The following L3MBTL4 variants were observed in gnomAD, a reference collection of about 807,000 sequenced individuals.
L3MBTL4 encodes the protein L3MBTL histone methyl-lysine binding protein 4, also known as lethal(3)malignant brain tumor-like protein 4.
L3MBTL4 carries 70 observed loss-of-function variants against 84.5 expected under a neutral mutation model. That is an observed-to-expected ratio of 0.83 (90% CI 0.68 to 1.01). The LOEUF is 1.01. Ranked by LOEUF, L3MBTL4 falls within the 50% of genes least tolerant of loss-of-function variation. The pLI is 0.00. For synonymous variants in L3MBTL4, 274 were observed against 259.8 expected (o/e 1.05, Z -0.52); for missense variants, 715 against 754.8 (o/e 0.95, Z 0.62).
At chr18:5,966,703 G>A (rs547878489) in intron 17 of L3MBTL4, among the ~76,000 whole-genome samples, 14 of 152,188 alleles carry the variant, frequency 9.2e-5, no homozygotes, top group African/African-American at 3.1e-4. Context: ...CAGTCATCAC[G>A]TTATCCTCCT....
intron 16 of L3MBTL4, among the ~76,000 whole-genome samples, chr18:5,983,612 C>G (rs571298): frequency 6.6e-6 from 1 of 151,880 alleles, no homozygotes; most frequent in Non-Finnish European, 1.5e-5. Context: ...TTGGTTATCA[C>G]GGGTAATATT....
intron 1 of L3MBTL4, among the ~76,000 whole-genome samples, chr18:6,323,520 T>C (rs1346182642): frequency 6.6e-6 from 1 of 152,232 alleles, no homozygotes; most frequent in East Asian, 1.9e-4. Context: ...TGTTAAGCAC[T>C]AGCGAAGAGC....
intron 12 of L3MBTL4, among the ~76,000 whole-genome samples, chr18:6,202,836 G>A (rs1349535255): frequency 1.4e-4 from 21 of 152,176 alleles, no homozygotes. Flanking sequence ...TACAAAAGAT[G>A]TCAAAAGTAC....
chr18:6,235,171 G>A (rs529727565), intron 10 of L3MBTL4, among the ~76,000 whole-genome samples: 4 of 152,096 alleles, frequency 2.6e-5, no homozygotes, highest in Non-Finnish European at 5.9e-5. Context: ...CCTGTTGTGG[G>A]GTTGGGAGCA....
intron 10 of L3MBTL4, among the ~76,000 whole-genome samples, chr18:6,219,456 T>A (rs2046459269): frequency 6.9e-6 from 1 of 144,170 alleles, no homozygotes; most frequent in Non-Finnish European, 1.5e-5. Flanking sequence ...CATGCTTTGG[T>A]TCAGCCACCC....
intron 16 of L3MBTL4, among the ~76,000 whole-genome samples, chr18:6,012,899 G>A (rs928751626): frequency 2.0e-5 from 3 of 152,008 alleles, no homozygotes; most frequent in Admixed American, 1.3e-4. Flanking sequence ...CTTGTCTCTC[G>A]TTCCATCTCT....
At chr18:6,243,209 T>C (rs1274915043) in intron 7 of L3MBTL4, 85 bp downstream of exon 7, 3 of 1,245,208 alleles carry the variant, frequency 2.4e-6, no homozygotes, top group Admixed American at 5.7e-5. Flanking sequence ...CAGGATCTCT[T>C]CTTCGAATTT....
chr18:6,090,625 T>C (rs547361454), intron 15 of L3MBTL4, among the ~76,000 whole-genome samples: 33 of 123,452 alleles, frequency 2.7e-4, no homozygotes, highest in Non-Finnish European at 3.7e-4. Context: ...CACACACACA[T>C]ATATTTCTTT....
chr18:6,099,585 A>ATATATATATATATATATATATAT (rs2058743796), intron 14 of L3MBTL4, among the ~76,000 whole-genome samples: 2 of 64,700 alleles, frequency 3.1e-5, no homozygotes, highest in African/African-American at 7.0e-5. Flanking sequence ...AGATAATGTA[A>ATATATATATATATATATATATAT]ATATATATAT....
intron 4 of L3MBTL4, among the ~76,000 whole-genome samples, chr18:6,277,237 T>C (rs1286018748): frequency 6.6e-6 from 1 of 152,008 alleles, no homozygotes; most frequent in African/African-American, 2.4e-5. Flanking sequence ...TGTATACATA[T>C]GTAACTAACC....
At chr18:6,312,849 T>C (rs1469704930) in intron 1 of L3MBTL4, among the ~76,000 whole-genome samples, 2 of 152,144 alleles carry the variant, frequency 1.3e-5, no homozygotes, top group Middle Eastern at 3.2e-3. Flanking sequence ...AATCCAAAAG[T>C]CTTAAAGTTC....
intron 16 of L3MBTL4, among the ~76,000 whole-genome samples, chr18:6,065,295 G>A (rs753878985): frequency 6.6e-6 from 1 of 151,856 alleles, no homozygotes; most frequent in Non-Finnish European, 1.5e-5. Flanking sequence ...TGTTCATCAA[G>A]GATATTGTAG....
At chr18:6,170,118 A>T (rs1469916433) in intron 13 of L3MBTL4, among the ~76,000 whole-genome samples, 1 of 152,170 alleles carries the variant, frequency 6.6e-6, no homozygotes, top group Admixed American at 6.6e-5. Context: ...GAGGAAACTG[A>T]GGCATAGAGA....
intron 2 of L3MBTL4, 63 bp from the exon 3 acceptor site, chr18:6,311,719 G>A: frequency 1.1e-6 from 1 of 909,428 alleles, no homozygotes; most frequent in South Asian, 1.4e-5. Context: ...AATTACAGAA[G>A]CAAACAAGAA....
chr18:6,374,779 T>G (rs544745126), intron 1 of L3MBTL4, among the ~76,000 whole-genome samples: 1 of 152,092 alleles, frequency 6.6e-6, no homozygotes, highest in South Asian at 2.1e-4. Flanking sequence ...CATCCCACAC[T>G]CGCCACCACC....
intron 4 of L3MBTL4, among the ~76,000 whole-genome samples, chr18:6,268,844 G>T (rs1283673072): frequency 1.3e-5 from 2 of 152,136 alleles, no homozygotes; most frequent in Non-Finnish European, 2.9e-5. Context: ...GTGTGTGTGT[G>T]AGCACATATG....
intron 14 of L3MBTL4, among the ~76,000 whole-genome samples, chr18:6,131,825 T>C (rs996609749): frequency 1.3e-5 from 2 of 152,184 alleles, no homozygotes; most frequent in East Asian, 1.9e-4. Context: ...TTTAATCTTT[T>C]AGAGCTATAT....
At chr18:6,225,880 G>T (rs774327750) in intron 10 of L3MBTL4, among the ~76,000 whole-genome samples, 3 of 151,468 alleles carry the variant, frequency 2.0e-5, no homozygotes, top group Admixed American at 1.3e-4. Context: ...TATATACCCA[G>T]CAAAAATGTC....
intron 16 of L3MBTL4, among the ~76,000 whole-genome samples, chr18:5,997,492 G>A (rs1047569206): frequency 6.6e-6 from 1 of 152,152 alleles, no homozygotes; most frequent in Non-Finnish European, 1.5e-5. Flanking sequence ...CCAGAACAAG[G>A]CATAAGTGAC....
Sources: allele counts gnomAD v4.1 joint callset (sites outside exome capture counted in the v4.1 genomes callset), GRCh38; gene constraint gnomAD v4.1.1; transcripts MANE v1.5; gene names NCBI Gene and HGNC (gene_info 2026-07-23, HGNC 2026-07-21).